Variants in RSU1 observed in about 807,000 individuals in gnomAD.
RSU1 encodes the protein rsu-1.
RSU1 carries 26 observed loss-of-function variants against 31.1 expected under a neutral mutation model. That is an observed-to-expected ratio of 0.84 (90% CI 0.61 to 1.16). RSU1 has a LOEUF of 1.16. Among genes scored for constraint, RSU1 ranks in the 50% most tolerant of loss-of-function variants. The probability of loss-of-function intolerance (pLI) is 0.00; values close to 1 mark genes in which losing one functional copy is unlikely to be tolerated. For missense variants in RSU1, 320 were observed against 339.1 expected (o/e 0.94, Z 0.44); for synonymous variants, 164 against 136.3 (o/e 1.20, Z -1.41).
At chr10:16,633,360 T>C (rs2131492971) in intron 8 of RSU1, among the ~76,000 whole-genome samples, 1 of 152,220 alleles carries the variant, frequency 6.6e-6, no homozygotes, top group Admixed American at 6.5e-5. Flanking sequence ...GCTTAGGGTA[T>C]GATGGCCCCT....
chr10:16,774,650 G>A (rs1486336015), intron 3 of RSU1, among the ~76,000 whole-genome samples: 2 of 152,188 alleles, frequency 1.3e-5, no homozygotes, highest in African/African-American at 4.8e-5. Context: ...CGATTCTGGA[G>A]TTTCTAAATC....
intron 7 of RSU1, among the ~76,000 whole-genome samples, chr10:16,719,835 A>G (rs1198360263): frequency 6.6e-6 from 1 of 152,222 alleles, no homozygotes; most frequent in Non-Finnish European, 1.5e-5. Flanking sequence ...GAAAAAGAAA[A>G]CAAAAATGTT....
chr10:16,705,997 G>A (rs542330044), intron 7 of RSU1, among the ~76,000 whole-genome samples: 55 of 152,272 alleles, frequency 3.6e-4, no homozygotes, highest in Admixed American at 1.8e-3. Flanking sequence ...CTGTGGATAC[G>A]AAGGGCCAAA....
intron 8 of RSU1, among the ~76,000 whole-genome samples, chr10:16,618,016 C>T (rs915076532): frequency 3.9e-5 from 6 of 152,122 alleles, no homozygotes; most frequent in African/African-American, 1.2e-4. Context: ...TTCTGCACAG[C>T]AAAAGAAACT....
intron 7 of RSU1, among the ~76,000 whole-genome samples, chr10:16,742,475 T>C (rs560709977): frequency 6.6e-6 from 1 of 152,104 alleles, no homozygotes; most frequent in East Asian, 1.9e-4. Context: ...AGTATAACCT[T>C]GCTTTTTTTT....
chr10:16,639,050 T>C (rs1435982524), intron 8 of RSU1, among the ~76,000 whole-genome samples: 1 of 152,232 alleles, frequency 6.6e-6, no homozygotes, highest in Non-Finnish European at 1.5e-5. Flanking sequence ...TTCGTTGTGA[T>C]CCTGAAGGAC....
chr10:16,767,828 C>T (rs1417556589), intron 3 of RSU1, among the ~76,000 whole-genome samples: 1 of 152,184 alleles, frequency 6.6e-6, no homozygotes, highest in Non-Finnish European at 1.5e-5. Context: ...AGTCAATCAA[C>T]TGAAACAGGC....
intron 8 of RSU1, among the ~76,000 whole-genome samples, chr10:16,647,713 G>C (rs1207997765): frequency 1.3e-5 from 2 of 152,036 alleles, no homozygotes; most frequent in African/African-American, 2.4e-5. Context: ...GCATCTTCTG[G>C]GGGGATTATA....
chr10:16,596,630 G>T (rs1340612976), intron 8 of RSU1, among the ~76,000 whole-genome samples: 1 of 152,186 alleles, frequency 6.6e-6, no homozygotes, highest in African/African-American at 2.4e-5. Context: ...CAGCCTCAGA[G>T]ATCTTTCCTC....
chr10:16,817,241 G>GGGT, intron 1 of RSU1, 74 bp downstream of exon 1: 4 of 619,258 alleles, frequency 6.5e-6, no homozygotes, highest in Admixed American at 2.7e-5. Context: ...GGAGGGGATG[G>GGGT]AGTGGGAAGG....
At chr10:16,598,531 C>T (rs1214042589) in intron 8 of RSU1, among the ~76,000 whole-genome samples, 2 of 152,106 alleles carry the variant, frequency 1.3e-5, no homozygotes, top group Non-Finnish European at 2.9e-5. Flanking sequence ...TCCAGCCTGG[C>T]CATAGGGCAA....
At chr10:16,693,036 C>T (rs779516444) in intron 8 of RSU1, among the ~76,000 whole-genome samples, 22 of 152,238 alleles carry the variant, frequency 1.4e-4, no homozygotes, top group Non-Finnish European at 2.5e-4. Flanking sequence ...GATCTCAGCT[C>T]ACTGCAACCT....
At chr10:16,801,566 A>ACT (rs1050138505) in intron 2 of RSU1, among the ~76,000 whole-genome samples, 32 of 152,254 alleles carry the variant, frequency 2.1e-4, no homozygotes, top group African/African-American at 7.7e-4. Context: ...TCTATAGACT[A>ACT]CTCCATCTAA....
chr10:16,748,669 C>T (rs1442861677), intron 7 of RSU1, among the ~76,000 whole-genome samples: 4 of 152,070 alleles, frequency 2.6e-5, no homozygotes, highest in Non-Finnish European at 5.9e-5. Flanking sequence ...CAACTCTCTC[C>T]CCTTCACTCA....
intron 2 of RSU1, among the ~76,000 whole-genome samples, chr10:16,803,546 T>C (rs574909245): frequency 6.6e-6 from 1 of 152,212 alleles, no homozygotes; most frequent in African/African-American, 2.4e-5. Context: ...TTGAAGAAAA[T>C]ACAGTTGGAG....
intron 2 of RSU1, among the ~76,000 whole-genome samples, chr10:16,803,884 A>G (rs1012385890): frequency 1.7e-4 from 26 of 152,252 alleles, no homozygotes; most frequent in African/African-American, 6.3e-4. Flanking sequence ...ATTTCTAGAT[A>G]TAACAAAGGA....
At chr10:16,729,631 CAT>C (rs1405286299) in intron 7 of RSU1, among the ~76,000 whole-genome samples, 2 of 152,198 alleles carry the variant, frequency 1.3e-5, no homozygotes, top group African/African-American at 2.4e-5. Context: ...GCAGTCAAAA[CAT>C]AAAGATACTA....
At position 16,695,011 on chromosome 10, in the gene RSU1, G is replaced by A; in HGVS notation, c.731+12C>T. On this transcript the variant is annotated intron_variant, in intron 8 of 8. Transcript: ENST00000345264. ...CACAGTCTACTATTTCAGAAAATCA[G>A]AGTCTACTTACTATTTGTATGTCTC... The A allele has an allele frequency of 6.3e-7, 1 of 1,599,934 alleles. No homozygotes were observed. Among genetic ancestry groups the A allele is most frequent in the Non-Finnish European group, 8.5e-7 (1 of 1,174,434 alleles).
At chr10:16,727,371 C>A (rs1278259480) in intron 7 of RSU1, among the ~76,000 whole-genome samples, 1 of 152,106 alleles carries the variant, frequency 6.6e-6, no homozygotes, top group African/African-American at 2.4e-5. Context: ...GTGTTTCTGG[C>A]AAATTCACGA....
Sources: allele counts gnomAD v4.1 joint callset (sites outside exome capture counted in the v4.1 genomes callset), GRCh38; gene constraint gnomAD v4.1.1; transcripts MANE v1.5; gene names NCBI Gene and HGNC (gene_info 2026-07-23, HGNC 2026-07-21).